The following ACYP2 variants were observed in gnomAD, a reference collection of about 807,000 sequenced individuals.
ACYP2 encodes the protein acylphosphatase-2.
In ACYP2, 12 loss-of-function variants were observed where a neutral mutation model predicts 11.2. The observed-to-expected ratio is 1.08, with a 90% CI of 0.69 to 1.74. The LOEUF (loss-of-function observed/expected upper bound fraction) is 1.74. Among genes scored for constraint, ACYP2 ranks in the 40% most tolerant of loss-of-function variants. The pLI, the probability that ACYP2 is intolerant of heterozygous loss-of-function variation, is 0.00. For synonymous variants in ACYP2, 43 were observed against 32.2 expected, an observed-to-expected ratio of 1.33 and a Z score of -1.13; for missense variants, 134 against 101.9, an observed-to-expected ratio of 1.31 and a Z score of -1.35.
intron 2 of ACYP2, among the ~76,000 whole-genome samples, chr2:54,026,254 G>T (rs1674279675): frequency 6.6e-6 from 1 of 152,104 alleles, no homozygotes; most frequent in Non-Finnish European, 1.5e-5. Flanking sequence ...TAAAAAGTGG[G>T]CTAAGGACAT....
chr2:54,036,109 G>T (rs1010089073), intron 2 of ACYP2, among the ~76,000 whole-genome samples: 24 of 152,082 alleles, frequency 1.6e-4, no homozygotes, highest in African/African-American at 5.8e-4. Context: ...TTGTTTGTTT[G>T]TTTGAGGCAG....
intron 4 of ACYP2, among the ~76,000 whole-genome samples, 173 bp from the exon 2 acceptor site, chr2:54,135,280 C>T (rs1001066438): frequency 1.5e-4 from 23 of 152,022 alleles, no homozygotes; most frequent in African/African-American, 5.3e-4. Flanking sequence ...TTGTTTATTT[C>T]TGGAATTTTA....
At chr2:54,026,571 G>A in intron 2 of ACYP2, among the ~76,000 whole-genome samples, 1 of 152,066 alleles carries the variant, frequency 6.6e-6, no homozygotes, top group East Asian at 1.9e-4. Flanking sequence ...TCTACCCAGA[G>A]GAAAATAAGT....
At chr2:54,113,924 G>C (rs1245171898) in intron 4 of ACYP2, among the ~76,000 whole-genome samples, 3 of 152,154 alleles carry the variant, frequency 2.0e-5, no homozygotes, top group East Asian at 1.9e-4. Context: ...TCTAGAGTCT[G>C]CATGGAATGA....
At chr2:54,062,056 A>G (rs950644749) in intron 4 of ACYP2, among the ~76,000 whole-genome samples, 7 of 152,172 alleles carry the variant, frequency 4.6e-5, no homozygotes, top group African/African-American at 1.7e-4. Flanking sequence ...TCTGAATTCC[A>G]TTTCAGGAAA....
At chr2:54,063,652 A>G (rs952448595) in intron 4 of ACYP2, among the ~76,000 whole-genome samples, 12 of 152,180 alleles carry the variant, frequency 7.9e-5, no homozygotes, top group Admixed American at 7.9e-4. Flanking sequence ...CCAACTGTCC[A>G]CTTATTCCTT....
chr2:54,024,532 C>G (rs1674175134), intron 2 of ACYP2, among the ~76,000 whole-genome samples: 1 of 152,184 alleles, frequency 6.6e-6, no homozygotes, highest in African/African-American at 2.4e-5. Context: ...TTGACAAAAT[C>G]CAGCATCCCT....
At chr2:54,004,645 T>A (rs898588947) in intron 2 of ACYP2, among the ~76,000 whole-genome samples, 1 of 149,042 alleles carries the variant, frequency 6.7e-6, no homozygotes, top group Non-Finnish European at 1.5e-5. Flanking sequence ...CTCCTGACCT[T>A]GTGATCGGCC....
intron 4 of ACYP2, among the ~76,000 whole-genome samples, chr2:54,066,335 A>T (rs1676745782): frequency 5.9e-5 from 9 of 152,128 alleles, no homozygotes; most frequent in Admixed American, 5.9e-4. Flanking sequence ...TTCTGCCATG[A>T]TTGTAAGTTT....
At chr2:54,042,570 CACAA>C (rs888858064) in intron 2 of ACYP2, among the ~76,000 whole-genome samples, 2 of 152,168 alleles carry the variant, frequency 1.3e-5, no homozygotes, top group Non-Finnish European at 2.9e-5. Flanking sequence ...CAGAAGTTTC[CACAA>C]ACATACAACT....
At chr2:54,297,040 A>T (rs1270526840) in intron 6 of ACYP2, among the ~76,000 whole-genome samples, 1 of 152,122 alleles carries the variant, frequency 6.6e-6, no homozygotes, top group Non-Finnish European at 1.5e-5. Context: ...AGCTAAACTA[A>T]TAGGTAAAAT....
chr2:54,253,217 T>A (rs940955032), intron 6 of ACYP2: 1 of 152,206 alleles, frequency 6.6e-6, no homozygotes, highest in Non-Finnish European at 1.5e-5. Flanking sequence ...ATGAACACAA[T>A]AGTTTCCAGT....
In ACYP2 at chr2:54,255,581, G is replaced by A. The variant is rs1482693318; in HGVS notation, c.405-49107G>A. ...CCCACGTTCAGGGGCCCGGGCCCGG[G>A]CCCAGGCCCTGCCTCCCTGTTTACC... On this transcript the variant is annotated intron_variant, in intron 6 of 6. Coordinates refer to ENST00000607452, the MANE Select transcript of ACYP2 (RefSeq NM_001320586.2). 7 of 1,612,890 alleles carry A rather than the reference G, an allele frequency of 4.3e-6. No individual in the cohort carries two copies. In the South Asian group the frequency reaches 6.6e-5, roughly 15 times the overall value.
chr2:54,187,900 T>C (rs1021462221), intron 6 of ACYP2, among the ~76,000 whole-genome samples: 4 of 152,194 alleles, frequency 2.6e-5, no homozygotes, highest in Non-Finnish European at 5.9e-5. Context: ...ATAATGCCGC[T>C]ATGAAAAGGG....
chr2:54,161,705 C>T (rs936563479), intron 6 of ACYP2, among the ~76,000 whole-genome samples: 2 of 152,098 alleles, frequency 1.3e-5, no homozygotes, highest in African/African-American at 4.8e-5. Flanking sequence ...AAAGTCAGTT[C>T]TCTTTTACAT....
intron 4 of ACYP2, among the ~76,000 whole-genome samples, chr2:54,111,252 C>T (rs1679444722): frequency 6.6e-6 from 1 of 151,944 alleles, no homozygotes; most frequent in South Asian, 2.1e-4. Flanking sequence ...AAGAATCCTG[C>T]AAAATAAGTA....
intron 6 of ACYP2, among the ~76,000 whole-genome samples, chr2:54,157,754 G>C (rs923578971): frequency 6.6e-6 from 1 of 152,172 alleles, no homozygotes; most frequent in Non-Finnish European, 1.5e-5. Flanking sequence ...AGAAGAGAGT[G>C]GTGGTTTTCC....
At position 54,266,797 on chromosome 2, in the gene ACYP2, G is replaced by C. The variant is rs188395737; in HGVS notation, c.405-37891G>C. 8.2e-3 allele frequency among the ~76,000 whole-genome samples: 1,244 copies of C among 151,506 alleles called. 15 individuals are homozygous for C. The highest frequency in any genetic ancestry group is 0.029 in the African/African-American group (1,189 of 41,264). On this transcript the variant is annotated intron_variant, in intron 6 of 6. Transcript: ENST00000607452. Reference sequence around the variant, plus strand: ...ATTTTTTTGTATTTTTTTTAGTACAGACGGGGTTTCACCGTGTTAGCCAGG... The same window carrying C: ...ATTTTTTTGTATTTTTTTTAGTACACACGGGGTTTCACCGTGTTAGCCAGG...
At chr2:54,008,670 T>G (rs1673200265) in intron 2 of ACYP2, among the ~76,000 whole-genome samples, 1 of 152,164 alleles carries the variant, frequency 6.6e-6, no homozygotes, top group Non-Finnish European at 1.5e-5. Flanking sequence ...TAATTATTAT[T>G]ACTATTAGTT....
Sources: gnomAD v4.1 joint callset for allele counts (sites outside exome capture counted in the v4.1 genomes callset) on GRCh38, gnomAD v4.1.1 for gene constraint, MANE v1.5 for transcripts, NCBI Gene and HGNC (gene_info 2026-07-23, HGNC 2026-07-21) for gene names.